Variants in UBA52 observed in about 807,000 individuals in gnomAD.
UBA52 encodes the protein ubiquitin A-52 residue ribosomal protein fusion product 1.
UBA52 carries 1 observed loss-of-function variant against 15.3 expected under a neutral mutation model. That is an observed-to-expected ratio of 0.07 (90% CI 0.02 to 0.31). The LOEUF is 0.31. Ranked by LOEUF, UBA52 falls within the 10% of genes least tolerant of loss-of-function variation. UBA52 has a pLI of 1.00. For missense variants in UBA52, 87 were observed against 168.0 expected (o/e 0.52, Z 2.66); for synonymous variants, 50 against 58.3 (o/e 0.86, Z 0.65).
upstream of UBA52, chr19:18,567,340 T>C: frequency 1.4e-6 from 1 of 707,346 alleles, no homozygotes; most frequent in Non-Finnish European, 2.5e-6. Flanking sequence ...GCTGGCCTGG[T>C]CCTGTCAGCA....
the UBA52 span, chr19:18,565,146 A>T: frequency 6.1e-6 from 9 of 1,486,256 alleles, no homozygotes; most frequent in Admixed American, 2.1e-4. Context: ...TTCACTGCGC[A>T]CTTAAGTGTC....
upstream of UBA52, chr19:18,567,148 C>A: frequency 6.2e-7 from 1 of 1,614,180 alleles, no homozygotes; most frequent in South Asian, 1.1e-5. Flanking sequence ...GAAAGGGAAA[C>A]TGGCCAGGCA....
the UBA52 span, among the ~76,000 whole-genome samples, chr19:18,564,345 G>A: frequency 6.6e-6 from 1 of 152,208 alleles, no homozygotes; most frequent in Non-Finnish European, 1.5e-5. Context: ...GATTGGGCCA[G>A]GCACGATGGC....
chr19:18,566,263 A>T, the UBA52 span, among the ~76,000 whole-genome samples: 1 of 151,832 alleles, frequency 6.6e-6, no homozygotes, highest in Non-Finnish European at 1.5e-5. Flanking sequence ...ATCCCGGCTA[A>T]CATGGTGAAA....
At chr19:18,567,006 A>G, upstream of UBA52, 1 of 770,686 alleles carries the variant, frequency 1.3e-6, no homozygotes, top group Non-Finnish European at 2.2e-6. Flanking sequence ...TGAGGTGATG[A>G]ACAGTGTGGG....
At chr19:18,568,671 G>A, upstream of UBA52, 2 of 1,501,746 alleles carry the variant, frequency 1.3e-6, no homozygotes, top group South Asian at 1.1e-5. Flanking sequence ...CAGGGCAGCA[G>A]CATACAAGGT....
At chr19:18,571,322 A>C (rs1975472460), upstream of UBA52, among the ~76,000 whole-genome samples, 1 of 151,100 alleles carries the variant, frequency 6.6e-6, no homozygotes, top group Non-Finnish European at 1.5e-5. Context: ...AAAAAAAAAA[A>C]AAAAAAAATC....
In UBA52 at chr19:18,573,671, C is replaced by T; in HGVS notation, c.113C>T (p.Pro38Leu). The T allele has an allele frequency of 6.2e-7, 1 of 1,614,022 alleles. No homozygotes were observed. The highest frequency in any genetic ancestry group is 2.2e-5 in the East Asian group (1 of 44,896). ...CCTCCCTCCCCCTCAGGTATCCCAC[C>T]TGACCAGCAGCGTCTGATATTTGCC... is the stretch of plus-strand genomic sequence containing the variant. ...AKIQDKEGIP[P>L]DQQRLIFAGK... Residue 38 changes from proline (P) to leucine (L), a missense_variant, in exon 3 of 5, where the codon CCT (proline) becomes CTT (leucine). Physicochemically the swap from Pro to Leu is moderately conservative, Grantham distance 98. Coordinates refer to ENST00000442744, the MANE Select transcript of UBA52 (RefSeq NM_001033930.3).
At chr19:18,568,748 G>GA, upstream of UBA52, 3 of 725,168 alleles carry the variant, frequency 4.1e-6, no homozygotes, top group Non-Finnish European at 6.8e-6. Flanking sequence ...TGTCACCCAG[G>GA]GCTCCTAGGG....
At position 18,575,321 on chromosome 19, in the gene UBA52, A is replaced by G; in HGVS notation, c.*171A>G. 1.4e-6 allele frequency: 1 copy of G among 695,742 alleles called. No homozygotes were observed. The highest frequency in any genetic ancestry group is 2.7e-5 in the East Asian group (1 of 36,496). 43.1% of individuals were successfully genotyped at this position (695,742 alleles called of 1,614,324 possible). A position where few individuals can be genotyped will look rare whatever the true frequency, so the allele number is the denominator to read the frequency against. On this transcript the variant is annotated 3_prime_UTR_variant, in exon 5 of 5. Coordinates refer to ENST00000442744, the MANE Select transcript of UBA52 (RefSeq NM_001033930.3). Reference sequence around the variant, plus strand: ...CCTTAGGGACTCTACTCAGCACTCCATTCTGTGCCACCTGTGGGGTCTTCT... The same window carrying G: ...CCTTAGGGACTCTACTCAGCACTCCGTTCTGTGCCACCTGTGGGGTCTTCT...
At chr19:18,567,397 G>T, upstream of UBA52, 1 of 653,084 alleles carries the variant, frequency 1.5e-6, no homozygotes. Context: ...CCGTGGGGAG[G>T]CCGCACAGGA....
chr19:18,569,532 C>G (rs1160670988), upstream of UBA52: 2 of 151,996 alleles, frequency 1.3e-5, no homozygotes, highest in South Asian at 4.2e-4. Context: ...TGGAACCCCC[C>G]CTGGTGGGAG....
rs1568430979 is a variant in UBA52 at position 18,575,220 on chromosome 19, C to T, written c.*70C>T. ...GCCCTGGAGCCTCAATAAAGTGTCCCTTTCATTGACTGGAGCAGCAATTGG... is the reference window on the plus strand; with the variant it reads ...GCCCTGGAGCCTCAATAAAGTGTCCTTTTCATTGACTGGAGCAGCAATTGG... On this transcript the variant is annotated 3_prime_UTR_variant, in exon 5 of 5. Coordinates refer to ENST00000442744, the MANE Select transcript of UBA52 (RefSeq NM_001033930.3). The T allele has an allele frequency of 5.7e-6, 9 of 1,567,954 alleles. No homozygotes were observed. The highest frequency in any genetic ancestry group is 5.2e-5 in the Admixed American group (3 of 57,946).
At chr19:18,565,313 TC>T in the UBA52 span, 1 of 609,116 alleles carries the variant, frequency 1.6e-6, no homozygotes, top group African/African-American at 1.9e-5. Context: ...CACTGCAAGC[TC>T]CGCTTCCCGG....
At chr19:18,573,818 T>C (rs527749709) in intron 3 of UBA52, 70 bp downstream of exon 3, 12 of 1,460,244 alleles carry the variant, frequency 8.2e-6, no homozygotes, top group Non-Finnish European at 1.1e-5. Context: ...ATTGATGGCC[T>C]CAGGGGTTGG....
chr19:18,574,363 A>C (rs1012709162), intron 3 of UBA52, among the ~76,000 whole-genome samples: 1 of 151,628 alleles, frequency 6.6e-6, no homozygotes, highest in Admixed American at 6.6e-5. Flanking sequence ...ACGCGATCTC[A>C]CTGTGACCTC....
chr19:18,569,356 A>G (rs1975407446), upstream of UBA52: 1 of 152,618 alleles, frequency 6.6e-6, no homozygotes, highest in African/African-American at 2.4e-5. Context: ...CAATAAAAAG[A>G]CACCATTACT....
At chr19:18,568,385 G>A (rs1381055614), upstream of UBA52, 14 of 1,593,926 alleles carry the variant, frequency 8.8e-6, no homozygotes, top group Non-Finnish European at 1.1e-5. Context: ...ACCAACTCTT[G>A]GGCCTCCTTC....
rs533991219 is a variant in UBA52 at position 18,575,356 on chromosome 19, T to G, written c.*206T>G. ...ACCTGTGGGGTCTTCTGTCCTAGAT[T>G]CTGTCACATCGGCATTGGTCCCTGC... On this transcript the variant is annotated 3_prime_UTR_variant, in exon 5 of 5. Coordinates refer to ENST00000442744, the MANE Select transcript of UBA52 (RefSeq NM_001033930.3). 14 of 594,958 alleles carry G rather than the reference T, an allele frequency of 2.4e-5. No individual in the cohort carries two copies. In the African/African-American group the frequency reaches 2.4e-4, roughly 10 times the overall value. 36.9% of individuals were successfully genotyped at this position (594,958 alleles called of 1,614,324 possible).
Sources: gnomAD v4.1 joint callset for allele counts (sites outside exome capture counted in the v4.1 genomes callset) on GRCh38, gnomAD v4.1.1 for gene constraint, MANE v1.5 for transcripts, NCBI Gene and HGNC (gene_info 2026-07-23, HGNC 2026-07-21) for gene names.